NLGN2: variants seen among roughly 807,000 people sequenced by gnomAD.
NLGN2 encodes the protein neuroligin 2, also known as neuroligin-2.
A neutral mutation model predicts 48.6 loss-of-function variants in NLGN2; 11 were observed. That is an observed-to-expected ratio of 0.23 (90% CI 0.14 to 0.37). NLGN2 has a LOEUF of 0.37. Ranked by LOEUF, NLGN2 falls within the 10% of genes least tolerant of loss-of-function variation. NLGN2 has a pLI of 1.00. For synonymous variants in NLGN2, 548 were observed against 550.0 expected, an observed-to-expected ratio of 1.00 and a Z score of 0.05; for missense variants, 801 against 1,225.2, an observed-to-expected ratio of 0.65 and a Z score of 5.17.
intron 6 of NLGN2, 40 bp downstream of exon 6, chr17:7,416,147 T>G: frequency 6.9e-7 from 1 of 1,445,896 alleles, no homozygotes; most frequent in Non-Finnish European, 9.7e-7. Flanking sequence ...GGCGGGGCCC[T>G]CCCTCCTTCA....
In NLGN2 at chr17:7,414,405, G is replaced by A. The variant is rs371633468; in HGVS notation, c.570G>A (p.Glu190=). 10 of 1,614,050 alleles carry A rather than the reference G, an allele frequency of 6.2e-6. No individual in the cohort carries two copies. Among genetic ancestry groups the A allele is most frequent in the Middle Eastern group, 3.3e-4 (2 of 6,084 alleles). Residue 190 remains glutamate, a synonymous_variant, in exon 3 of 7, where the codon GAG becomes GAA. Coordinates refer to ENST00000302926, the MANE Select transcript of NLGN2 (RefSeq NM_020795.4). ...TTCTCCATGGCGGCTCCTACATGGA[G>A]GGGACCGGAAACATGTTCGATGGCT... ...MLFLHGGSYM[E]GTGNMFDGSV...
Position 7,408,821 on chromosome 17 carries a change from G to A in NLGN2, c.457+109G>A. The A allele has an allele frequency of 6.9e-6, 11 of 1,583,626 alleles. No individual in the cohort carries two copies. The highest frequency in any genetic ancestry group is 9.4e-6 in the Non-Finnish European group (11 of 1,164,174). The stretch of plus-strand genomic sequence containing the variant: ...TAGGGCTCAGAGCTGGGCCTTTGTG[G>A]GGGCAGTGAGGGACGGAGTGTCCCT... On this transcript the variant is annotated intron_variant, in intron 1 of 6. Coordinates refer to ENST00000302926, the MANE Select transcript of NLGN2 (RefSeq NM_020795.4). The surrounding 1 kb of genome is among the most constrained non-coding windows in gnomAD (Gnocchi z 7.5).
Position 7,417,810 on chromosome 17 carries a change from G to A in NLGN2, c.*11G>A. 2 of 1,347,040 alleles carry A rather than the reference G, an allele frequency of 1.5e-6. No individual in the cohort carries two copies. The highest frequency in any genetic ancestry group is 1.9e-6 in the Non-Finnish European group (2 of 1,056,918). 83.4% of individuals were successfully genotyped at this position (1,347,040 alleles called of 1,614,324 possible). ...ACCACTCGGGTATAGGGGGTGGGTG[G>A]GGAGGCCCTCCTCCCCGGCCCTCCC... On this transcript the variant is annotated 3_prime_UTR_variant, in exon 7 of 7. Coordinates refer to ENST00000302926, the MANE Select transcript of NLGN2 (RefSeq NM_020795.4).
chr17:7,406,803 G>A (rs1159480672), upstream of NLGN2, among the ~76,000 whole-genome samples: 1 of 152,128 alleles, frequency 6.6e-6, no homozygotes, highest in Non-Finnish European at 1.5e-5. Flanking sequence ...TGGATGGGTT[G>A]GGATGGGAAG....
intron 1 of NLGN2, among the ~76,000 whole-genome samples, chr17:7,410,835 C>T (rs1008690756): frequency 5.9e-5 from 9 of 152,200 alleles, no homozygotes; most frequent in Non-Finnish European, 1.3e-4. Flanking sequence ...CACACACACA[C>T]GCGCTTCATA....
chr17:7,410,397 A>G (rs1906833588), intron 1 of NLGN2, among the ~76,000 whole-genome samples: 1 of 151,924 alleles, frequency 6.6e-6, no homozygotes, highest in South Asian at 2.1e-4. Context: ...TAAGCCATTT[A>G]TCCCAGTACA....
At chr17:7,409,352 G>A (rs1265229399) in intron 1 of NLGN2, among the ~76,000 whole-genome samples, 3 of 151,956 alleles carry the variant, frequency 2.0e-5, no homozygotes, top group East Asian at 1.9e-4. Flanking sequence ...CAGCCCACCC[G>A]TCTTCCCTGG....
At position 7,408,485 on chromosome 17, in the gene NLGN2, C is replaced by T; in HGVS notation, c.230C>T (p.Pro77Leu). ...VQFLGVPYAT[P>L]PLGARRFQPP... is the part of the protein sequence containing the mutation. The stretch of plus-strand genomic sequence containing the variant: ...TTCTTGGGCGTGCCCTACGCCACGC[C>T]GCCCCTGGGCGCCCGCCGCTTCCAG... The change falls in exon 1 of 7, where the codon CCG becomes CTG. Residue 77 changes from proline (P) to leucine (L), a missense_variant. Physicochemically the swap from Pro to Leu is moderately conservative, Grantham distance 98. Coordinates refer to ENST00000302926, the MANE Select transcript of NLGN2 (RefSeq NM_020795.4). The surrounding 1 kb of genome is among the most constrained non-coding windows in gnomAD (Gnocchi z 7.5). 1 of 1,489,184 alleles carries T rather than the reference C, an allele frequency of 6.7e-7. No individual in the cohort carries two copies. The highest frequency in any genetic ancestry group is 1.3e-5 in the South Asian group (1 of 78,062). The allele number at this position is 1,489,184 out of a possible 1,614,324, so 92.2% of individuals were successfully genotyped here.
rs750660402 is a variant in NLGN2 at position 7,412,174 on chromosome 17, C to T, written c.475C>T (p.Arg159Cys). The T allele has an allele frequency of 3.4e-6, 5 of 1,484,966 alleles. No individual in the cohort carries two copies. Among genetic ancestry groups the T allele is most frequent in the Non-Finnish European group, 4.5e-6 (5 of 1,100,386 alleles). 92.0% of individuals were successfully genotyped at this position (1,484,966 alleles called of 1,614,324 possible). The change falls in exon 2 of 7, where the codon CGT (arginine) becomes TGT (cysteine). Residue 159 changes from arginine to cysteine, a missense_variant. Coordinates refer to ENST00000302926, the MANE Select transcript of NLGN2 (RefSeq NM_020795.4). Reference sequence around the variant, plus strand: ...GGTCTTAGGTCCGCTCACAAAAAAACGTGACGAGGCGACGCTCAATCCGCC... The same window carrying T: ...GGTCTTAGGTCCGCTCACAAAAAAATGTGACGAGGCGACGCTCAATCCGCC... ...PTEDGPLTKK[R>C]DEATLNPPDT...
rs1469231314 is a variant in NLGN2, at chr17:7,413,715, A to C, written c.509-629A>C. 1.3e-5 allele frequency among the ~76,000 whole-genome samples: 2 copies of C among 152,124 alleles called. No homozygotes were observed. The highest frequency in any genetic ancestry group is 3.9e-4 in the East Asian group (2 of 5,194). ...AAGCTGCACCCTGGCTTCATTAAGC[A>C]GGCTCTTCCTCCTCCTGCCACAGTA... On this transcript the variant is annotated intron_variant, in intron 2 of 6. Transcript: ENST00000302926. This position sits in a 1 kb window ranked among gnomAD's most constrained non-coding sequence, Gnocchi z 4.9.
intron 6 of NLGN2, among the ~76,000 whole-genome samples, chr17:7,416,565 C>T (rs1907110348): frequency 6.6e-6 from 1 of 152,110 alleles, no homozygotes; most frequent in Admixed American, 6.6e-5. Context: ...TGATTTCAGC[C>T]TGGCTGTGTA....
rs1279988020 is a variant in NLGN2, at chr17:7,418,029, C to T, written c.*230C>T. On this transcript the variant is annotated 3_prime_UTR_variant, in exon 7 of 7. Coordinates refer to ENST00000302926, the MANE Select transcript of NLGN2 (RefSeq NM_020795.4). Reference sequence around the variant, plus strand: ...AACAACTGGGGGGCGTTTTCTCCCCCCCATTGGGACACCAGTCTTCGGTGT... The same window carrying T: ...AACAACTGGGGGGCGTTTTCTCCCCTCCATTGGGACACCAGTCTTCGGTGT... 8.5e-6 allele frequency: 3 copies of T among 354,234 alleles called. No individual in the cohort carries two copies. The highest frequency in any genetic ancestry group is 4.7e-5 in the Admixed American group (1 of 21,182). The allele number at this position is 354,234 out of a possible 1,614,324, so 21.9% of individuals were successfully genotyped here. A position where few individuals can be genotyped will look rare whatever the true frequency, so the allele number is the denominator to read the frequency against.
Position 7,408,350 on chromosome 17 carries a change from G to A in NLGN2, c.95G>A (p.Gly32Asp), listed in dbSNP as rs1352280400. ...GGCGCCCCGGGCGGCCCCGGCCTGGGCCTCGGCAGCCTCGGCGAGGAGCGC... is the reference window on the plus strand; with the variant it reads ...GGCGCCCCGGGCGGCCCCGGCCTGGACCTCGGCAGCCTCGGCGAGGAGCGC... ...GGGAPGGPGL[G>D]LGSLGEERFP... The change falls in exon 1 of 7, where the codon GGC becomes GAC. Residue 32 changes from glycine (G) to aspartate (D), a missense_variant. Physicochemically the swap from Gly to Asp is moderately conservative, Grantham distance 94. Transcript: ENST00000302926. This position sits in a 1 kb window ranked among gnomAD's most constrained non-coding sequence, Gnocchi z 7.5. 2.7e-6 allele frequency: 4 copies of A among 1,481,986 alleles called. No homozygotes were observed. The highest frequency in any genetic ancestry group is 2.3e-5 in the Admixed American group (1 of 43,024). 91.8% of individuals were successfully genotyped at this position (1,481,986 alleles called of 1,614,324 possible). A position where few individuals can be genotyped will look rare whatever the true frequency, so the allele number is the denominator to read the frequency against.
chr17:7,411,258 G>C lies in NLGN2; in HGVS notation c.458-899G>C, dbSNP rs2150813558. 6.6e-6 allele frequency among the ~76,000 whole-genome samples: 1 copy of C among 152,316 alleles called. No individual in the cohort carries two copies. The highest frequency in any genetic ancestry group is 6.5e-5 in the Admixed American group (1 of 15,306). On this transcript the variant is annotated intron_variant, in intron 1 of 6. Transcript: ENST00000302926. The surrounding 1 kb of genome is among the most constrained non-coding windows in gnomAD (Gnocchi z 4.5). The stretch of plus-strand genomic sequence containing the variant: ...GGGGTGCTTTTTGGCAGTGGAGCAG[G>C]GGCAGGGGAGGCAGCGGCTGGTGGC...
Position 7,408,262 on chromosome 17 carries a change from C to T in NLGN2, c.7C>T (p.Leu3Phe). The T allele has an allele frequency of 7.6e-7, 1 of 1,311,480 alleles. No homozygotes were observed. 81.2% of individuals were successfully genotyped at this position (1,311,480 alleles called of 1,614,324 possible). MW[L>F]LALCLVGLAG... The stretch of plus-strand genomic sequence containing the variant: ...GGGGGGTCCCCCGATCAGCATGTGG[C>T]TCCTGGCGCTGTGTCTGGTGGGGCT... Residue 3 changes from leucine to phenylalanine, a missense_variant, in exon 1 of 7, where the codon CTC becomes TTC. This residue lies in a region of NLGN2 where 164 missense variants were observed against 186.2 expected (regional missense o/e 0.88). Transcript: ENST00000302926. The surrounding 1 kb of genome is among the most constrained non-coding windows in gnomAD (Gnocchi z 7.5).
intron 5 of NLGN2, 150 bp from the exon 6 acceptor site, chr17:7,415,361 G>T: frequency 2.3e-6 from 2 of 863,682 alleles, no homozygotes; most frequent in Non-Finnish European, 1.9e-6. Context: ...TTCCAGAGAG[G>T]CCAGATCTCC....
Position 7,415,848 on chromosome 17 carries a change from C to A in NLGN2, c.1375C>A (p.Gln459Lys). The change falls in exon 6 of 7, where the codon CAA (glutamine) becomes AAA (lysine). Residue 459 changes from glutamine (Q) to lysine (K), a missense_variant. By Grantham distance (53) the Gln-to-Lys change is moderately conservative. Around this residue, in one of 5 missense-constraint regions of NLGN2, gnomAD observed 303 missense variants for 600.1 expected, o/e 0.50. Coordinates refer to ENST00000302926, the MANE Select transcript of NLGN2 (RefSeq NM_020795.4). ...CCTGCTGGCGCTCTTTACTGACCAC[C>A]AATGGGTGGCACCAGCTGTGGCCAC... ...KTLLALFTDH[Q>K]WVAPAVATAK... 1 of 1,612,392 alleles carries A rather than the reference C, an allele frequency of 6.2e-7. No homozygotes were observed. The highest frequency in any genetic ancestry group is 8.5e-7 in the Non-Finnish European group (1 of 1,178,902).
At chr17:7,412,268 C>A in intron 2 of NLGN2, 61 bp downstream of exon 2, 2 of 1,307,326 alleles carry the variant, frequency 1.5e-6, no homozygotes, top group Non-Finnish European at 2.2e-6. Flanking sequence ...CATGGCCCTG[C>A]CCCTCACTAA....
At chr17:7,410,995 C>A (rs1052766600) in intron 1 of NLGN2, among the ~76,000 whole-genome samples, 1 of 152,178 alleles carries the variant, frequency 6.6e-6, no homozygotes, top group Non-Finnish European at 1.5e-5. Flanking sequence ...CCATCCTTGG[C>A]CTTGACCCAC....
Sources: gnomAD v4.1 joint callset for allele counts (sites outside exome capture counted in the v4.1 genomes callset) on GRCh38, gnomAD v4.1.1 for gene constraint, gnomAD v4.1.1 regional missense constraint, Gnocchi (gnomAD v3.1) non-coding constraint, MANE v1.5 for transcripts, NCBI Gene and HGNC (gene_info 2026-07-23, HGNC 2026-07-21) for gene names.